Variants in COG5 observed in about 807,000 individuals in gnomAD.
COG5 encodes the protein conserved oligomeric Golgi complex subunit 5.
COG5 carries 86 observed loss-of-function variants against 110.4 expected under a neutral mutation model. The ratio of observed to expected loss-of-function variants is 0.78; its 90% CI spans 0.65 to 0.93. COG5 has a LOEUF of 0.93. COG5 is among the 40% of genes least tolerant of loss of function. The pLI is 0.00. For synonymous variants in COG5, 360 were observed against 334.6 expected, an observed-to-expected ratio of 1.08 and a Z score of -0.83; for missense variants, 1,077 against 987.0, an observed-to-expected ratio of 1.09 and a Z score of -1.22.
At chr7:107,428,536 C>T (rs1433984138) in intron 6 of COG5, among the ~76,000 whole-genome samples, 1 of 152,164 alleles carries the variant, frequency 6.6e-6, no homozygotes, top group African/African-American at 2.4e-5. Context: ...GGATTCCTCC[C>T]CTAGAGCCTT....
At position 107,268,731 on chromosome 7, in the gene COG5, A is replaced by T. The variant is rs910853971; in HGVS notation, c.1576-10348T>A. On this transcript the variant is annotated intron_variant, in intron 14 of 21. Transcript: ENST00000297135. Reference sequence around the variant, plus strand: ...AAATTGTTCCTTTTCTCAATATGTGACCTTCACAATCCCTAATAATGTTTT... The same window carrying T: ...AAATTGTTCCTTTTCTCAATATGTGTCCTTCACAATCCCTAATAATGTTTT... Among the ~76,000 whole-genome samples the T allele has an allele frequency of 2.0e-5, 3 of 152,172 alleles. No homozygotes were observed. The East Asian group carries it at 5.8e-4, about 29-fold the overall frequency.
At chr7:107,451,465 T>C (rs1279431325) in intron 6 of COG5, among the ~76,000 whole-genome samples, 1 of 152,164 alleles carries the variant, frequency 6.6e-6, no homozygotes, top group Non-Finnish European at 1.5e-5. Flanking sequence ...GGTGAAAGGA[T>C]TGGTACCATA....
At chr7:107,435,003 T>C (rs1159325143) in intron 6 of COG5, among the ~76,000 whole-genome samples, 1 of 151,474 alleles carries the variant, frequency 6.6e-6, no homozygotes, top group Admixed American at 6.6e-5. Flanking sequence ...TCCTGTCACA[T>C]ATTGCAACAC....
chr7:107,468,420 G>GGGGT (rs113069361), intron 6 of COG5, among the ~76,000 whole-genome samples: 2 of 149,518 alleles, frequency 1.3e-5, no homozygotes, highest in African/African-American at 4.9e-5. Context: ...TGTGTGCTGT[G>GGGGT]GTGTGTGTGT....
At chr7:107,534,105 C>G (rs181977301) in intron 5 of COG5, among the ~76,000 whole-genome samples, 1 of 151,536 alleles carries the variant, frequency 6.6e-6, no homozygotes, top group Non-Finnish European at 1.5e-5. Flanking sequence ...CCTTTACAGA[C>G]AAGCAGATGC....
Position 107,203,459 on chromosome 7 carries a change from A to C in COG5, c.*57T>G. ...TAGCAGTCTTTTGGAGTATGTGTTT[A>C]ACTGCCAACTATGAATGGGTTAGCA... On this transcript the variant is annotated 3_prime_UTR_variant, in exon 22 of 22. Transcript: ENST00000297135. 8.7e-7 allele frequency: 1 copy of C among 1,152,116 alleles called. No individual in the cohort carries two copies. The highest frequency in any genetic ancestry group is 1.3e-6 in the Non-Finnish European group (1 of 758,768). The allele number at this position is 1,152,116 out of a possible 1,614,324, so 71.4% of individuals were successfully genotyped here.
At chr7:107,468,035 C>A (rs1796407366) in intron 6 of COG5, among the ~76,000 whole-genome samples, 1 of 152,134 alleles carries the variant, frequency 6.6e-6, no homozygotes, top group African/African-American at 2.4e-5. Context: ...CAAAAGGAAT[C>A]AAAGTTGACC....
intron 6 of COG5, chr7:107,472,446 G>A (rs921275219): frequency 6.6e-6 from 1 of 151,900 alleles, no homozygotes; most frequent in Non-Finnish European, 1.5e-5. Flanking sequence ...TAACATTTAC[G>A]AAAGAACAGA....
In COG5 at chr7:107,237,111, A is replaced by T. The variant is rs1208590044; in HGVS notation, c.1854-424T>A. Among the ~76,000 whole-genome samples, 4 of 152,346 alleles carry T rather than the reference A, an allele frequency of 2.6e-5. No individual in the cohort carries two copies. In the East Asian group the frequency reaches 7.7e-4, roughly 29 times the overall value. On this transcript the variant is annotated intron_variant, in intron 17 of 21. Coordinates refer to ENST00000297135, the MANE Select transcript of COG5 (RefSeq NM_006348.5). ...GCATTTTATGCTTTGCAATGACAGA[A>T]AATGCTGCTTTCCCTATACAAATTC...
chr7:107,205,571 A>C (rs890134178), intron 21 of COG5, among the ~76,000 whole-genome samples: 1 of 152,242 alleles, frequency 6.6e-6, no homozygotes, highest in Non-Finnish European at 1.5e-5. Context: ...AGGGGGTGCC[A>C]AAGGGCCTGT....
chr7:107,485,829 A>T (rs1023656811), intron 6 of COG5, among the ~76,000 whole-genome samples: 1 of 152,192 alleles, frequency 6.6e-6, no homozygotes, highest in Non-Finnish European at 1.5e-5. Context: ...GCAAAATATC[A>T]TAAGAATATA....
At chr7:107,310,960 A>ATGGATTCAACATTCCGTTCTG (rs1808180946) in intron 11 of COG5, among the ~76,000 whole-genome samples, 1 of 152,154 alleles carries the variant, frequency 6.6e-6, no homozygotes, top group Admixed American at 6.5e-5. Flanking sequence ...ATGGAATTCT[A>ATGGATTCAACATTCCGTTCTG]TGGATTCAAC....
chr7:107,537,504 C>T (rs1185119638), intron 5 of COG5, among the ~76,000 whole-genome samples: 1 of 152,070 alleles, frequency 6.6e-6, no homozygotes, highest in African/African-American at 2.4e-5. Flanking sequence ...AAACCAAACG[C>T]TGCATATTCT....
chr7:107,400,486 C>T (rs1791346225), intron 7 of COG5, among the ~76,000 whole-genome samples: 1 of 152,032 alleles, frequency 6.6e-6, no homozygotes, highest in Non-Finnish European at 1.5e-5. Flanking sequence ...CAAGTACAAA[C>T]ACAATTTTGA....
intron 6 of COG5, among the ~76,000 whole-genome samples, chr7:107,432,845 GA>G (rs1794119769): frequency 1.3e-5 from 2 of 151,630 alleles, no homozygotes; most frequent in Admixed American, 6.6e-5. Context: ...AATTAGGCAA[GA>G]AAAGAAATAA....
chr7:107,557,544 T>C (rs1273390706), intron 2 of COG5, among the ~76,000 whole-genome samples: 1 of 152,238 alleles, frequency 6.6e-6, no homozygotes. Context: ...CATCTCATAT[T>C]GTATCCTACT....
At chr7:107,327,892 G>A (rs1030227892) in intron 10 of COG5, among the ~76,000 whole-genome samples, 1 of 152,100 alleles carries the variant, frequency 6.6e-6, no homozygotes, top group Admixed American at 6.6e-5. Context: ...CATTAGGGAG[G>A]TTGCTCAAAA....
At chr7:107,343,878 T>C (rs1811376100) in intron 10 of COG5, among the ~76,000 whole-genome samples, 1 of 152,096 alleles carries the variant, frequency 6.6e-6, no homozygotes, top group South Asian at 2.1e-4. Context: ...GATTTTTTTT[T>C]TTTTTCTGAG....
chr7:107,354,453 C>T (rs922787006), intron 10 of COG5, among the ~76,000 whole-genome samples: 8 of 152,212 alleles, frequency 5.3e-5, no homozygotes, highest in Admixed American at 3.3e-4. Context: ...CCAAGGCAGG[C>T]GGATCATGAG....
Sources: allele counts gnomAD v4.1 joint callset (sites outside exome capture counted in the v4.1 genomes callset), GRCh38; gene constraint gnomAD v4.1.1; transcripts MANE v1.5; gene names NCBI Gene and HGNC (gene_info 2026-07-23, HGNC 2026-07-21).